The following CEP112 variants were observed in gnomAD, a reference collection of about 807,000 sequenced individuals.
CEP112 encodes centrosomal protein 112, also known as centrosomal protein of 112 kDa.
Under a neutral mutation model 153.0 loss-of-function variants are expected in CEP112, and 127 were observed. The observed-to-expected ratio is 0.83, with a 90% CI of 0.72 to 0.96. The LOEUF is 0.96. Ranked by LOEUF, CEP112 falls within the 40% of genes least tolerant of loss-of-function variation. The pLI is 0.00. For missense variants in CEP112, 1,089 were observed against 1,101.2 expected, an observed-to-expected ratio of 0.99 and a Z score of 0.16; for synonymous variants, 358 against 374.4, an observed-to-expected ratio of 0.96 and a Z score of 0.51.
At chr17:66,040,494 C>CTTTTTTTTTT (rs71160522) in intron 12 of CEP112, among the ~76,000 whole-genome samples, 9 of 133,476 alleles carry the variant, frequency 6.7e-5, no homozygotes, top group African/African-American at 8.4e-5. Context: ...CCCTTTTTTT[C>CTTTTTTTTTT]TTTTTTTTTT....
intron 25 of CEP112, among the ~76,000 whole-genome samples, chr17:65,637,660 G>A (rs977095927): frequency 1.4e-4 from 22 of 152,112 alleles, no homozygotes; most frequent in African/African-American, 2.4e-4. Context: ...CAAAGCCAGC[G>A]GTCCCCTCCT....
intron 18 of CEP112, among the ~76,000 whole-genome samples, chr17:65,934,687 T>G (rs931385644): frequency 6.6e-6 from 1 of 152,144 alleles, no homozygotes; most frequent in African/African-American, 2.4e-5. Context: ...AGCGAAGGGA[T>G]AGAAAAGATA....
chr17:65,727,633 T>C (rs1282419300), intron 23 of CEP112, among the ~76,000 whole-genome samples: 1 of 152,138 alleles, frequency 6.6e-6, no homozygotes, highest in Non-Finnish European at 1.5e-5. Flanking sequence ...ACAGAAAGAC[T>C]GGAGGTAACC....
Position 66,069,977 on chromosome 17 carries a change from C to T in CEP112, c.793G>A (p.Glu265Lys), listed in dbSNP as rs267605005. The change falls in exon 9 of 27, where the codon GAA (glutamate) becomes AAA (lysine). Residue 265 changes from glutamate (E) to lysine (K), a missense_variant. Coordinates refer to ENST00000535342, the MANE Select transcript of CEP112 (RefSeq NM_001199165.4). ...KELDMKTKMM[E>K]AKFHEEKLKL... ...AGCTTTTCTTCATGAAATTTAGCTT[C>T]CATCATTTTTGTTTTCATGTCCAGC... is the stretch of plus-strand genomic sequence containing the variant. 2 of 1,606,386 alleles carry T rather than the reference C, an allele frequency of 1.2e-6. No homozygotes were observed. Among genetic ancestry groups the T allele is most frequent in the Non-Finnish European group, 1.7e-6 (2 of 1,175,442 alleles).
At chr17:65,811,290 A>C (rs2055935256) in intron 21 of CEP112, among the ~76,000 whole-genome samples, 1 of 152,212 alleles carries the variant, frequency 6.6e-6, no homozygotes, top group South Asian at 2.1e-4. Context: ...ATGGACCATG[A>C]AATCTAAGCT....
intron 21 of CEP112, among the ~76,000 whole-genome samples, chr17:65,770,654 T>C (rs1417573098): frequency 6.6e-6 from 1 of 152,084 alleles, no homozygotes; most frequent in African/African-American, 2.4e-5. Flanking sequence ...TAATAACAAA[T>C]TGCGAGGTTT....
intron 16 of CEP112, among the ~76,000 whole-genome samples, chr17:66,025,090 G>A (rs922617178): frequency 2.6e-5 from 4 of 152,078 alleles, no homozygotes; most frequent in Admixed American, 6.5e-5. Context: ...ACCATATGCA[G>A]AAGAATGAAA....
rs567619749 is a variant in CEP112, at chr17:65,812,072, C to T, written c.2394+39732G>A. On this transcript the variant is annotated intron_variant, in intron 21 of 26. Coordinates refer to ENST00000535342, the MANE Select transcript of CEP112 (RefSeq NM_001199165.4). ...AGGCTGGAGTGCAGTGGCTTGATCT[C>T]GGCTTACTGCAAGCTCCACCTCCCG... Among the ~76,000 whole-genome samples, 4 of 151,928 alleles carry T rather than the reference C, an allele frequency of 2.6e-5. No homozygotes were observed. The East Asian group carries it at 5.8e-4, about 22-fold the overall frequency.
chr17:66,005,154 C>A (rs1420831997), intron 17 of CEP112, among the ~76,000 whole-genome samples: 1 of 152,078 alleles, frequency 6.6e-6, no homozygotes, highest in African/African-American at 2.4e-5. Flanking sequence ...CAAGGTCAAA[C>A]CTAGTAATAG....
chr17:66,006,250 T>C (rs1002557286), intron 16 of CEP112, among the ~76,000 whole-genome samples: 3 of 152,078 alleles, frequency 2.0e-5, no homozygotes, highest in Non-Finnish European at 4.4e-5. Context: ...CATGCCTACC[T>C]CTTTCCTAAA....
At chr17:66,170,160 T>G (rs117346628) in intron 4 of CEP112, among the ~76,000 whole-genome samples, 5,190 of 152,238 alleles carry the variant, frequency 0.034, 132 homozygotes, top group Middle Eastern at 0.061. Context: ...ATTGCCATAA[T>G]CTATTGGTTA....
chr17:65,711,572 C>T (rs1427509695), intron 23 of CEP112, among the ~76,000 whole-genome samples: 1 of 152,118 alleles, frequency 6.6e-6, no homozygotes, highest in Non-Finnish European at 1.5e-5. Flanking sequence ...GATTATTTTT[C>T]TTATGGAAAC....
rs1461251623 is a variant in CEP112 at position 66,132,667 on chromosome 17, T to C, written c.564+3A>G. On this transcript the variant is annotated splice_donor_region_variant and intron_variant, in intron 5 of 26. Coordinates refer to ENST00000535342, the MANE Select transcript of CEP112 (RefSeq NM_001199165.4). ...ACCAAACAAAAGTAAAATCTAATCTTACACAAATCTTTGGGGTAATATTTT... is the reference window on the plus strand; with the variant it reads ...ACCAAACAAAAGTAAAATCTAATCTCACACAAATCTTTGGGGTAATATTTT... 5.0e-6 allele frequency: 8 copies of C among 1,603,992 alleles called. No individual in the cohort carries two copies. The highest frequency in any genetic ancestry group is 6.8e-6 in the Non-Finnish European group (8 of 1,170,922).
At chr17:65,703,579 G>A (rs901779648) in intron 23 of CEP112, among the ~76,000 whole-genome samples, 14 of 148,748 alleles carry the variant, frequency 9.4e-5, no homozygotes, top group Middle Eastern at 3.2e-3. Context: ...ACCCAGCTGC[G>A]AAGTCTTGCA....
intron 17 of CEP112, among the ~76,000 whole-genome samples, chr17:65,969,971 ACATG>A (rs1249459527): frequency 2.0e-5 from 3 of 152,328 alleles, no homozygotes; most frequent in African/African-American, 7.2e-5. Context: ...TGTATGTATA[ACATG>A]CATATCACAC....
intron 21 of CEP112, among the ~76,000 whole-genome samples, chr17:65,834,984 T>C (rs1329004284): frequency 6.6e-6 from 1 of 152,092 alleles, no homozygotes; most frequent in Non-Finnish European, 1.5e-5. Flanking sequence ...GACAATGTGA[T>C]ACATATATAC....
At chr17:65,795,682 C>T (rs978545605) in intron 21 of CEP112, among the ~76,000 whole-genome samples, 10 of 152,070 alleles carry the variant, frequency 6.6e-5, no homozygotes, top group Middle Eastern at 3.4e-3. Context: ...CATGGTGGTG[C>T]GCACCTGTAA....
chr17:66,002,835 T>C (rs865967867), intron 17 of CEP112, among the ~76,000 whole-genome samples: 7 of 152,204 alleles, frequency 4.6e-5, no homozygotes, highest in African/African-American at 1.7e-4. Flanking sequence ...AATAACTACA[T>C]GGATAAATAA....
intron 21 of CEP112, among the ~76,000 whole-genome samples, chr17:65,844,568 C>T (rs1007817015): frequency 1.3e-5 from 2 of 151,224 alleles, no homozygotes; most frequent in African/African-American, 4.9e-5. Flanking sequence ...GCCTGTAGTC[C>T]CAGCTACTCA....
Sources: allele counts gnomAD v4.1 joint callset (sites outside exome capture counted in the v4.1 genomes callset), GRCh38; gene constraint gnomAD v4.1.1; transcripts MANE v1.5; gene names NCBI Gene and HGNC (gene_info 2026-07-23, HGNC 2026-07-21).